Variants in GLIPR1 observed in about 807,000 individuals in gnomAD.
The protein encoded by GLIPR1 is GLI pathogenesis related 1.
In GLIPR1, 38 loss-of-function variants were observed where a neutral mutation model predicts 30.3. That is an observed-to-expected ratio of 1.26 (90% CI 0.97 to 1.65). The LOEUF is 1.65. Among genes scored for constraint, GLIPR1 ranks in the 40% most tolerant of loss-of-function variants. The pLI is 0.00. For synonymous variants in GLIPR1, 122 were observed against 110.6 expected, an observed-to-expected ratio of 1.10 and a Z score of -0.65; for missense variants, 285 against 326.5, an observed-to-expected ratio of 0.87 and a Z score of 0.98.
chr12:75,500,012 A>C lies in GLIPR1; in HGVS notation c.*1034A>C. 3 of 1,312,778 alleles carry C rather than the reference A, an allele frequency of 2.3e-6. No individual in the cohort carries two copies. The highest frequency in any genetic ancestry group is 2.5e-5 in the East Asian group (1 of 39,888). The allele number at this position is 1,312,778 out of a possible 1,614,324, so 81.3% of individuals were successfully genotyped here. A position where few individuals can be genotyped will look rare whatever the true frequency, so the allele number is the denominator to read the frequency against. On this transcript the variant is annotated 3_prime_UTR_variant, in exon 6 of 6. Transcript: ENST00000266659. Reference sequence around the variant, plus strand: ...TAGATTTTACCAAGTAAAACAAAGAATATATGTTTAACAAAGAATATATGT... The same window carrying C: ...TAGATTTTACCAAGTAAAACAAAGACTATATGTTTAACAAAGAATATATGT...
chr12:75,482,551 G>A (rs1436555121), intron 2 of GLIPR1, among the ~76,000 whole-genome samples: 3 of 152,040 alleles, frequency 2.0e-5, no homozygotes, highest in South Asian at 2.1e-4. Context: ...TGTGTGCCAT[G>A]CACTAGGCAC....
At chr12:75,485,800 T>G (rs1015442139) in intron 2 of GLIPR1, among the ~76,000 whole-genome samples, 1 of 152,168 alleles carries the variant, frequency 6.6e-6, no homozygotes, top group African/African-American at 2.4e-5. Context: ...TCCGCCCGCC[T>G]CGGCCAGCTT....
At chr12:75,490,233 A>ACACCCC (rs1173000975) in intron 2 of GLIPR1, among the ~76,000 whole-genome samples, 173 bp from the exon 3 acceptor site, 1 of 145,286 alleles carries the variant, frequency 6.9e-6, no homozygotes, top group African/African-American at 2.6e-5. Flanking sequence ...ACACACACAC[A>ACACCCC]CCCCAATAAT....
At position 75,501,478 on chromosome 12, in the gene GLIPR1, G is replaced by C; in HGVS notation, c.*2500G>C. On this transcript the variant is annotated 3_prime_UTR_variant, in exon 6 of 6. Transcript: ENST00000266659. The stretch of plus-strand genomic sequence containing the variant: ...GGGTTTGTATCTTTCACAACAAAGA[G>C]TCTTTTCCAAGCACAGACCAGAGGT... 2.5e-6 allele frequency: 1 copy of C among 398,980 alleles called. No individual in the cohort carries two copies. Among genetic ancestry groups the C allele is most frequent in the Non-Finnish European group, 4.5e-6 (1 of 223,100 alleles). The allele number at this position is 398,980 out of a possible 1,614,324, so 24.7% of individuals were successfully genotyped here.
intron 2 of GLIPR1, among the ~76,000 whole-genome samples, chr12:75,487,533 C>G (rs1219062190): frequency 1.3e-5 from 2 of 152,146 alleles, no homozygotes; most frequent in African/African-American, 2.4e-5. Context: ...AGGGAGCACC[C>G]CTTTTAGATC....
In GLIPR1 at chr12:75,500,836, G is replaced by GT. The variant is rs2046388799; in HGVS notation, c.*1859dup. ...CACCGTGTGGAGAAACTAAATTAGG[G>GT]TAACTAGCTATTGAGTATATTGAGT... On this transcript the variant is annotated 3_prime_UTR_variant, in exon 6 of 6. Coordinates refer to ENST00000266659, the MANE Select transcript of GLIPR1 (RefSeq NM_006851.3). 1 of 152,102 alleles carries GT rather than the reference G, an allele frequency of 6.6e-6. No homozygotes were observed. The highest frequency in any genetic ancestry group is 2.4e-5 in the African/African-American group (1 of 41,488). 9.4% of individuals were successfully genotyped at this position (152,102 alleles called of 1,614,324 possible). A position where few individuals can be genotyped will look rare whatever the true frequency, so the allele number is the denominator to read the frequency against.
rs1391400745 is a variant in GLIPR1 at position 75,498,848 on chromosome 12, G to A, written c.671G>A (p.Gly224Asp). ...VKRYYSVVYP[G>D]WPIYPRNRYT... Reference sequence around the variant, plus strand: ...GGTTACTACTCTGTTGTATATCCAGGCTGGCCCATATATCCACGTAACAGA... The same window carrying A: ...GGTTACTACTCTGTTGTATATCCAGACTGGCCCATATATCCACGTAACAGA... Residue 224 changes from glycine to aspartate, a missense_variant, in exon 6 of 6, where the codon GGC becomes GAC. Gly to Asp is a moderately conservative substitution (Grantham distance 94). Transcript: ENST00000266659. 1.2e-6 allele frequency: 2 copies of A among 1,612,366 alleles called. No individual in the cohort carries two copies. The highest frequency in any genetic ancestry group is 1.7e-5 in the Admixed American group (1 of 59,930).
rs183005073 is a variant in GLIPR1, at chr12:75,503,613, G to C, written c.*4635G>C. The C allele has an allele frequency of 4.7e-4, 105 of 222,024 alleles. 2 individuals are homozygous for C. In the East Asian group the frequency reaches 9.1e-3, roughly 19 times the overall value. The allele number at this position is 222,024 out of a possible 1,614,324, so 13.8% of individuals were successfully genotyped here. ...AATAATGTTGCCAAATCAGAGAAAAGAGTATTGCAGACTAAACGAACTTTT... is the reference window on the plus strand; with the variant it reads ...AATAATGTTGCCAAATCAGAGAAAACAGTATTGCAGACTAAACGAACTTTT... On this transcript the variant is annotated 3_prime_UTR_variant, in exon 6 of 6. Transcript: ENST00000266659.
At chr12:75,487,697 A>G (rs967584490) in intron 2 of GLIPR1, 12 of 450,754 alleles carry the variant, frequency 2.7e-5, no homozygotes, top group African/African-American at 2.4e-4. Context: ...TGAGACTCCA[A>G]CCTCAGCTCC....
At chr12:75,485,565 T>A (rs12368011) in intron 2 of GLIPR1, among the ~76,000 whole-genome samples, 1,358 of 92,536 alleles carry the variant, frequency 0.015, 20 homozygotes, top group African/African-American at 0.042. Context: ...TTATTTATTT[T>A]TTTGAGACGG....
chr12:75,490,850 G>A (rs1179464701), intron 3 of GLIPR1: 1 of 166,912 alleles, frequency 6.0e-6, no homozygotes, highest in East Asian at 1.6e-4. Context: ...ACCACAAAGT[G>A]GAAGAACTGA....
intron 5 of GLIPR1, 33 bp from the exon 6 acceptor site, chr12:75,498,791 T>C (rs751829481): frequency 1.2e-6 from 2 of 1,610,964 alleles, no homozygotes; most frequent in Non-Finnish European, 1.7e-6. Context: ...TGAGGAACAA[T>C]GTCTAAGAGG....
Position 75,499,811 on chromosome 12 carries a change from A to G in GLIPR1, c.*833A>G. The G allele has an allele frequency of 6.3e-7, 1 of 1,597,006 alleles. No homozygotes were observed. The highest frequency in any genetic ancestry group is 8.5e-7 in the Non-Finnish European group (1 of 1,173,792). ...CTAGTCAAGGAGTTTTGGGTATGTT[A>G]CTTTTTTTTCTTCTTTTTCTTTTCA... is the stretch of plus-strand genomic sequence containing the variant. On this transcript the variant is annotated 3_prime_UTR_variant, in exon 6 of 6. Transcript: ENST00000266659.
At chr12:75,491,525 A>G (rs1301850508) in intron 3 of GLIPR1, 1 of 152,246 alleles carries the variant, frequency 6.6e-6, no homozygotes, top group Non-Finnish European at 1.5e-5. Context: ...TTGAGATACT[A>G]GCACGTAAAG....
At position 75,501,700 on chromosome 12, in the gene GLIPR1, T is replaced by A. The variant is rs2046395183; in HGVS notation, c.*2722T>A. On this transcript the variant is annotated 3_prime_UTR_variant, in exon 6 of 6. Transcript: ENST00000266659. The stretch of plus-strand genomic sequence containing the variant: ...TTTACTTTTCCTAATTAATAAAGAC[T>A]TTTACATCATAGAAAGCATTACCTT... 6.8e-7 allele frequency: 1 copy of A among 1,480,496 alleles called. No homozygotes were observed. Among genetic ancestry groups the A allele is most frequent in the Non-Finnish European group, 9.3e-7 (1 of 1,071,072 alleles). The allele number at this position is 1,480,496 out of a possible 1,614,324, so 91.7% of individuals were successfully genotyped here.
At chr12:75,491,481 G>GT (rs1255566135) in intron 3 of GLIPR1, 4 of 152,260 alleles carry the variant, frequency 2.6e-5, no homozygotes, top group Admixed American at 6.5e-5. Context: ...CCTCATATAT[G>GT]TATCTTCAGT....
At chr12:75,494,345 C>T (rs977360374) in intron 3 of GLIPR1, 1 of 152,144 alleles carries the variant, frequency 6.6e-6, no homozygotes, top group Admixed American at 6.5e-5. Flanking sequence ...GAAGACAACA[C>T]TCCACCATCA....
chr12:75,487,338 AAAATT>A (rs2046297992), intron 2 of GLIPR1, among the ~76,000 whole-genome samples: 1 of 152,252 alleles, frequency 6.6e-6, no homozygotes, highest in African/African-American at 2.4e-5. Flanking sequence ...GATATAGAAT[AAAATT>A]AAGAAATTTT....
intron 3 of GLIPR1, chr12:75,494,255 C>G (rs925681447): frequency 6.6e-6 from 1 of 152,086 alleles, no homozygotes; most frequent in Non-Finnish European, 1.5e-5. Flanking sequence ...AGAGGAGGAC[C>G]ATAAACTTTG....
Sources: allele counts gnomAD v4.1 joint callset (sites outside exome capture counted in the v4.1 genomes callset), GRCh38; gene constraint gnomAD v4.1.1; transcripts MANE v1.5; gene names NCBI Gene and HGNC (gene_info 2026-07-23, HGNC 2026-07-21).